The following NBEAL1 variants were observed in gnomAD, a reference collection of about 807,000 sequenced individuals.
NBEAL1 encodes neurobeachin like 1, also known as neurobeachin-like protein 1.
NBEAL1 carries 273 observed loss-of-function variants against 351.3 expected under a neutral mutation model. That is an observed-to-expected ratio of 0.78 (90% CI 0.70 to 0.86). The LOEUF (loss-of-function observed/expected upper bound fraction) is 0.86. Among genes scored for constraint, NBEAL1 ranks in the 40% least tolerant of loss-of-function variants. The pLI, the probability that NBEAL1 is intolerant of heterozygous loss-of-function variation, is 0.00. For synonymous variants in NBEAL1, 1,050 were observed against 1,086.4 expected (o/e 0.97, Z 0.66); for missense variants, 2,961 against 3,201.3 (o/e 0.92, Z 1.81).
At chr2:203,114,635 T>A (rs981578830) in intron 17 of NBEAL1, among the ~76,000 whole-genome samples, 3 of 152,262 alleles carry the variant, frequency 2.0e-5, no homozygotes, top group Non-Finnish European at 4.4e-5. Context: ...AACTGCAGAA[T>A]AGCTTCTTAT....
chr2:203,190,437 A>T (rs753223982), intron 46 of NBEAL1, 48 bp downstream of exon 46: 13 of 1,289,348 alleles, frequency 1.0e-5, no homozygotes, highest in Non-Finnish European at 1.3e-5. Context: ...TAAGAAGTAG[A>T]TTTAAGTACA....
intron 43 of NBEAL1, chr2:203,183,034 G>A (rs1575097096): frequency 3.7e-6 from 1 of 269,414 alleles, no homozygotes; most frequent in East Asian, 7.1e-5. Context: ...TGAAATAAGG[G>A]TTGTAGCTAT....
At chr2:203,116,754 C>T (rs903194442) in intron 18 of NBEAL1, among the ~76,000 whole-genome samples, 1 of 148,078 alleles carries the variant, frequency 6.8e-6, no homozygotes, top group African/African-American at 2.5e-5. Context: ...TGCACCATTA[C>T]GCTCCAGCCT....
At chr2:203,176,824 A>G (rs1040005746) in intron 42 of NBEAL1, among the ~76,000 whole-genome samples, 1 of 152,044 alleles carries the variant, frequency 6.6e-6, no homozygotes, top group Non-Finnish European at 1.5e-5. Context: ...CTTCAAAAAT[A>G]GATTGTATAA....
chr2:203,034,240 C>T (rs1309135224), intron 2 of NBEAL1, among the ~76,000 whole-genome samples: 1 of 151,550 alleles, frequency 6.6e-6, no homozygotes, highest in Non-Finnish European at 1.5e-5. Flanking sequence ...TCACTGCAAC[C>T]TCTGCTTCCC....
chr2:203,041,726 A>G (rs1036563688), intron 2 of NBEAL1, 39 bp from the exon 3 acceptor site: 4 of 1,364,382 alleles, frequency 2.9e-6, no homozygotes, highest in South Asian at 2.6e-5. Context: ...TTTTTTCCTG[A>G]TAGGCATACT....
chr2:203,156,070 TCA>T (rs2063790374), intron 35 of NBEAL1, among the ~76,000 whole-genome samples: 1 of 152,208 alleles, frequency 6.6e-6, no homozygotes, highest in African/African-American at 2.4e-5. Context: ...TTATCTTTTC[TCA>T]TATGTGTATT....
chr2:203,051,676 T>C (rs192839615), intron 4 of NBEAL1, among the ~76,000 whole-genome samples: 9 of 152,320 alleles, frequency 5.9e-5, no homozygotes, highest in African/African-American at 1.4e-4. Context: ...CCTACAGATA[T>C]TTGTTTTCAA....
rs771731618 is a variant in NBEAL1, at chr2:203,135,858, C to A, written c.3995C>A (p.Thr1332Asn). 6.2e-7 allele frequency: 1 copy of A among 1,613,930 alleles called. No homozygotes were observed. Residue 1332 changes from threonine to asparagine, a missense_variant, in exon 28 of 56, where the codon ACC becomes AAC. Coordinates refer to ENST00000683969, the MANE Select transcript of NBEAL1 (RefSeq NM_001378026.1). ...DNDKNMSTEDTKKNSDEKTDE... is the reference protein window; with the variant it reads ...DNDKNMSTEDNKKNSDEKTDE... ...GATAAAAATATGTCAACTGAAGATA[C>A]CAAGAAGAACTCTGATGAAAAAACA...
chr2:203,052,724 T>G (rs1444289577), intron 4 of NBEAL1, among the ~76,000 whole-genome samples: 2 of 142,836 alleles, frequency 1.4e-5, no homozygotes, highest in Non-Finnish European at 3.1e-5. Flanking sequence ...GCCCAGTTAT[T>G]TATTTATTTA....
rs779420541 is a variant in NBEAL1, at chr2:203,041,831, G to A, written c.118G>A (p.Val40Ile). 33 of 1,553,394 alleles carry A rather than the reference G, an allele frequency of 2.1e-5. No individual in the cohort carries two copies. The highest frequency in any genetic ancestry group is 1.9e-4 in the East Asian group (8 of 41,722). The change falls in exon 3 of 56, where the codon GTT becomes ATT. Residue 40 changes from valine to isoleucine, a missense_variant. Coordinates refer to ENST00000683969, the MANE Select transcript of NBEAL1 (RefSeq NM_001378026.1). ...FVSSYEQFLD[V>I]DFEKLPTRVD... ...TTCTAGCTATGAACAATTTTTAGAC[G>A]TTGACTTTGAAAAGCTGCCTACCAG...
chr2:203,120,031 GATAA>G (rs1313995831), intron 18 of NBEAL1, among the ~76,000 whole-genome samples: 1 of 151,998 alleles, frequency 6.6e-6, no homozygotes, highest in East Asian at 1.9e-4. Flanking sequence ...ACAATACAAA[GATAA>G]ATAAATAAAA....
At chr2:203,186,868 C>A (rs568975959) in intron 44 of NBEAL1, among the ~76,000 whole-genome samples, 1 of 152,222 alleles carries the variant, frequency 6.6e-6, no homozygotes, top group South Asian at 2.1e-4. Flanking sequence ...TGGGTGGCTA[C>A]TATGGAAAAA....
intron 5 of NBEAL1, among the ~76,000 whole-genome samples, chr2:203,056,757 G>A (rs925071429): frequency 1.3e-5 from 2 of 152,088 alleles, no homozygotes; most frequent in African/African-American, 2.4e-5. Flanking sequence ...TAGTAGAGAC[G>A]GGGTTTCTCC....
intron 38 of NBEAL1, 105 bp downstream of exon 38, chr2:203,167,465 ATGTT>A: frequency 8.8e-7 from 1 of 1,141,508 alleles, no homozygotes; most frequent in African/African-American, 1.6e-5. Flanking sequence ...TCAAGACAAA[ATGTT>A]AGAGGAAAAA....
At chr2:203,063,854 T>C (rs990298621) in intron 6 of NBEAL1, among the ~76,000 whole-genome samples, 7 of 152,004 alleles carry the variant, frequency 4.6e-5, no homozygotes, top group African/African-American at 1.7e-4. Flanking sequence ...CAGTGATAGA[T>C]AGATAAGGGA....
Position 203,221,365 on chromosome 2 carries a change from TA to T in NBEAL1, c.*4014del, listed in dbSNP as rs1226602882. 1.3e-5 allele frequency among the ~76,000 whole-genome samples: 2 copies of T among 150,960 alleles called. No individual in the cohort carries two copies. The highest frequency in any genetic ancestry group is 3.0e-5 in the Non-Finnish European group (2 of 67,758). On this transcript the variant is annotated 3_prime_UTR_variant, in exon 56 of 56. Transcript: ENST00000683969. ...GCAAGTCCTAGGACTATATTAAATATAAATATTATATTATTAAATAATATAT... is the reference window on the plus strand; with the variant it reads ...GCAAGTCCTAGGACTATATTAAATATAATATTATATTATTAAATAATATAT...
intron 12 of NBEAL1, among the ~76,000 whole-genome samples, chr2:203,103,679 T>C (rs1040942147): frequency 3.3e-5 from 5 of 152,192 alleles, no homozygotes; most frequent in African/African-American, 1.2e-4. Flanking sequence ...GTTTCTCCAG[T>C]TCTCTAGTTG....
chr2:203,084,833 AT>A (rs1293346788), intron 10 of NBEAL1: 1 of 253,116 alleles, frequency 4.0e-6, no homozygotes, highest in Non-Finnish European at 7.5e-6. Flanking sequence ...CTATCCAGAA[AT>A]ATCCTTGAGG....
Sources: allele counts gnomAD v4.1 joint callset (sites outside exome capture counted in the v4.1 genomes callset), GRCh38; gene constraint gnomAD v4.1.1; transcripts MANE v1.5; gene names NCBI Gene and HGNC (gene_info 2026-07-23, HGNC 2026-07-21).